Variants in MS4A14 observed in about 807,000 individuals in gnomAD.
MS4A14 encodes the protein membrane-spanning 4-domains subfamily A member 14.
In MS4A14, 18 loss-of-function variants were observed where a neutral mutation model predicts 16.7. The ratio of observed to expected loss-of-function variants is 1.08; its 90% CI spans 0.75 to 1.60. The LOEUF is 1.60. MS4A14 is among the 40% of genes most tolerant of loss of function. The pLI is 0.00. For synonymous variants in MS4A14, 305 were observed against 289.4 expected (o/e 1.05, Z -0.55); for missense variants, 812 against 775.3 (o/e 1.05, Z -0.56).
At position 60,403,053 on chromosome 11, in the gene MS4A14, CTT is replaced by C. The variant is rs752970400; in HGVS notation, c.463_464del (p.Phe155HisfsTer14). 3 of 1,613,508 alleles carry C rather than the reference CTT, an allele frequency of 1.9e-6. No homozygotes were observed. The highest frequency in any genetic ancestry group is 2.5e-6 in the Non-Finnish European group (3 of 1,179,574). ...AGAAATATGTGTTTTCAGTAGAACT[CTT>C]TTCATTGTAAGTGGTCTTATTTTGC... ...FEEICVFSRT[L>X]FIVLFFLPSD... On this transcript the variant is annotated frameshift_variant, in exon 4 of 5. Transcript: ENST00000300187. LOFTEE classifies it low-confidence loss of function (END_TRUNC).
At chr11:60,414,171 A>G (rs780078056) in intron 4 of MS4A14, among the ~76,000 whole-genome samples, 13 of 152,142 alleles carry the variant, frequency 8.5e-5, no homozygotes, top group Non-Finnish European at 1.3e-4. Flanking sequence ...AGAAACTATA[A>G]TTATTTCTTC....
At chr11:60,415,227 C>G (rs1242263597) in intron 4 of MS4A14, among the ~76,000 whole-genome samples, 1 of 151,938 alleles carries the variant, frequency 6.6e-6, no homozygotes, top group African/African-American at 2.4e-5. Flanking sequence ...TTCCTCTGTT[C>G]AATATTTGAA....
chr11:60,399,151 A>G (rs573041214), intron 2 of MS4A14, among the ~76,000 whole-genome samples: 9 of 152,316 alleles, frequency 5.9e-5, no homozygotes, highest in African/African-American at 2.2e-4. Context: ...TTGTCATCTA[A>G]CTGGGAGACT....
chr11:60,409,365 A>G (rs1043250356), intron 4 of MS4A14, among the ~76,000 whole-genome samples: 12 of 151,976 alleles, frequency 7.9e-5, no homozygotes, highest in Non-Finnish European at 1.3e-4. Flanking sequence ...TCTAGTCTTC[A>G]CTTCCATGAA....
chr11:60,398,543 C>G (rs1006732766), intron 2 of MS4A14, among the ~76,000 whole-genome samples: 1 of 152,150 alleles, frequency 6.6e-6, no homozygotes, highest in African/African-American at 2.4e-5. Context: ...TAAGGACAGA[C>G]TCATTAGAGC....
chr11:60,417,053 T>C lies in MS4A14; in HGVS notation c.*45T>C. ...AGATTATAAAGCACGAGAATGGCAA[T>C]TTGAAATGAAGCACTGGCAAACACA... On this transcript the variant is annotated 3_prime_UTR_variant, in exon 5 of 5. Coordinates refer to ENST00000300187, the MANE Select transcript of MS4A14 (RefSeq NM_032597.5). 6.4e-7 allele frequency: 1 copy of C among 1,565,178 alleles called. No homozygotes were observed. Among genetic ancestry groups the C allele is most frequent in the Non-Finnish European group, 8.6e-7 (1 of 1,159,666 alleles).
At position 60,416,851 on chromosome 11, in the gene MS4A14, G is replaced by A. The variant is rs867768093; in HGVS notation, c.1883G>A (p.Gly628Glu). The A allele has an allele frequency of 8.1e-6, 13 of 1,613,736 alleles. No homozygotes were observed. Among genetic ancestry groups the A allele is most frequent in the Non-Finnish European group, 1.1e-5 (13 of 1,179,850 alleles). The change falls in exon 5 of 5, where the codon GGA becomes GAA. Residue 628 changes from glycine to glutamate, a missense_variant. Coordinates refer to ENST00000300187, the MANE Select transcript of MS4A14 (RefSeq NM_032597.5). ...CAATTCCAAAATGTTCAAGCCGAAG[G>A]ACAGCAAGCTCAGGTGGAGAAAGTG... is the stretch of plus-strand genomic sequence containing the variant. ...KGQFQNVQAEGQQAQVEKVPK... is the reference protein window; with the variant it reads ...KGQFQNVQAEEQQAQVEKVPK...
intron 4 of MS4A14, 24 bp from the exon 5 acceptor site, chr11:60,415,413 T>C (rs1277939847): frequency 3.9e-6 from 6 of 1,558,128 alleles, no homozygotes; most frequent in African/African-American, 1.4e-5. Context: ...GTCATATTAA[T>C]TACCCTCATC....
At chr11:60,405,713 T>A (rs2085777143) in intron 4 of MS4A14, among the ~76,000 whole-genome samples, 1 of 152,192 alleles carries the variant, frequency 6.6e-6, no homozygotes, top group African/African-American at 2.4e-5. Context: ...GAGTTTGTTA[T>A]CCCTGCCTCA....
At chr11:60,408,979 A>AG (rs202107658) in intron 4 of MS4A14, among the ~76,000 whole-genome samples, 1 of 152,138 alleles carries the variant, frequency 6.6e-6, no homozygotes, top group Admixed American at 6.5e-5. Flanking sequence ...ACAGGGGAAA[A>AG]GGGGGAGTAA....
chr11:60,398,009 G>A (rs2085655303), intron 2 of MS4A14, 29 bp downstream of exon 2: 1 of 1,606,470 alleles, frequency 6.2e-7, no homozygotes, highest in East Asian at 2.2e-5. Context: ...AAGCTTTGGA[G>A]AAATTGCTAT....
At chr11:60,413,278 T>C (rs1013227061) in intron 4 of MS4A14, among the ~76,000 whole-genome samples, 9 of 152,072 alleles carry the variant, frequency 5.9e-5, no homozygotes, top group Middle Eastern at 3.4e-3. Context: ...TTTTAAGTAT[T>C]AATAAAGACA....
At chr11:60,408,891 C>T (rs1289736858) in intron 4 of MS4A14, among the ~76,000 whole-genome samples, 34 of 152,134 alleles carry the variant, frequency 2.2e-4, no homozygotes, top group Admixed American at 2.2e-3. Flanking sequence ...TGTTTTTCAC[C>T]TTCGTTGCAC....
At chr11:60,398,730 TCTGA>T (rs778981149) in intron 2 of MS4A14, among the ~76,000 whole-genome samples, 6 of 152,344 alleles carry the variant, frequency 3.9e-5, no homozygotes, top group Admixed American at 6.5e-5. Flanking sequence ...GGCCACTATC[TCTGA>T]CTATTAAAAA....
chr11:60,410,415 C>T (rs1014243452), intron 4 of MS4A14, among the ~76,000 whole-genome samples: 1 of 152,068 alleles, frequency 6.6e-6, no homozygotes, highest in Non-Finnish European at 1.5e-5. Context: ...TGTCTTTGCA[C>T]TTTCTTGATG....
rs1427031749 is a variant in MS4A14 at position 60,400,522 on chromosome 11, C to A, written c.318+68C>A. On this transcript the variant is annotated intron_variant, in intron 3 of 4. Transcript: ENST00000300187. Reference sequence around the variant, plus strand: ...TTTTATATCATCTTTATGTATGAAGCCTTTAGTAATAAAGTTACCTTTCAG... The same window carrying A: ...TTTTATATCATCTTTATGTATGAAGACTTTAGTAATAAAGTTACCTTTCAG... 4 of 1,127,398 alleles carry A rather than the reference C, an allele frequency of 3.5e-6. No individual in the cohort carries two copies. In the East Asian group the frequency reaches 1.0e-4, roughly 29 times the overall value. 69.8% of individuals were successfully genotyped at this position (1,127,398 alleles called of 1,614,324 possible).
At position 60,417,039 on chromosome 11, in the gene MS4A14, C is replaced by T. The variant is rs562745758; in HGVS notation, c.*31C>T. The T allele has an allele frequency of 4.5e-5, 71 of 1,577,346 alleles. No individual in the cohort carries two copies. In the Middle Eastern group the frequency reaches 5.1e-4, roughly 11 times the overall value. ...GGCTGGAGAAACAAAGATTATAAAG[C>T]ACGAGAATGGCAATTTGAAATGAAG... is the stretch of plus-strand genomic sequence containing the variant. On this transcript the variant is annotated 3_prime_UTR_variant, in exon 5 of 5. Transcript: ENST00000300187.
rs2085623558 is a variant in MS4A14, at chr11:60,396,567, T to C, written c.-12T>C. 1 of 1,612,074 alleles carries C rather than the reference T, an allele frequency of 6.2e-7. No homozygotes were observed. Among genetic ancestry groups the C allele is most frequent in the South Asian group, 1.1e-5 (1 of 90,554 alleles). On this transcript the variant is annotated 5_prime_UTR_variant, in exon 1 of 5. Coordinates refer to ENST00000300187, the MANE Select transcript of MS4A14 (RefSeq NM_032597.5). ...CTCACTCTTTCCCTTACTAGAGTTC[T>C]GCCATAGAATCATGGAGTCAACATC...
At position 60,415,546 on chromosome 11, in the gene MS4A14, C is replaced by T. The variant is rs770282821; in HGVS notation, c.578C>T (p.Ser193Leu). The T allele has an allele frequency of 6.2e-7, 1 of 1,613,686 alleles. No homozygotes were observed. Among genetic ancestry groups the T allele is most frequent in the Non-Finnish European group, 8.5e-7 (1 of 1,179,772 alleles). The change falls in exon 5 of 5, where the codon TCA becomes TTA. Residue 193 changes from serine (S) to leucine (L), a missense_variant. Ser to Leu is a moderately radical substitution (Grantham distance 145). Transcript: ENST00000300187. ...CAAGAAGAGTTTTCCAGTGATGATT[C>T]AACAACAAATGCACAATCTGTTATC... ...VLQEEFSSDD[S>L]TTNAQSVIFG... is the part of the protein sequence containing the mutation.
Sources: allele counts gnomAD v4.1 joint callset (sites outside exome capture counted in the v4.1 genomes callset), GRCh38; gene constraint gnomAD v4.1.1; transcripts MANE v1.5; gene names NCBI Gene and HGNC (gene_info 2026-07-23, HGNC 2026-07-21).